The following GPM6B variants were observed in gnomAD, a reference collection of about 807,000 sequenced individuals.
GPM6B encodes neuronal membrane glycoprotein M6-b.
In GPM6B, 4 loss-of-function variants were observed where a neutral mutation model predicts 27.2. The observed-to-expected ratio is 0.15, with a 90% confidence interval of 0.07 to 0.34. GPM6B has a LOEUF of 0.34. Among genes scored for constraint, GPM6B ranks in the 10% least tolerant of loss-of-function variants. The probability of loss-of-function intolerance (pLI) is 1.00; values close to 1 mark genes in which losing one functional copy is unlikely to be tolerated. For missense variants in GPM6B, 183 were observed against 261.9 expected, an observed-to-expected ratio of 0.70 and a Z score of 2.08; for synonymous variants, 124 against 103.1, an observed-to-expected ratio of 1.20 and a Z score of -1.23.
At chrX:13,869,132 T>A (rs2049948970) in intron 1 of GPM6B, among the ~76,000 whole-genome samples, 1 of 112,181 alleles carries the variant, frequency 8.9e-6, no homozygotes, top group Non-Finnish European at 1.9e-5. Flanking sequence ...TACAACAGAA[T>A]GTTATTGGGC....
rs2049415517 is a variant in GPM6B, at chrX:13,829,605, C to G, written c.-197-43797G>C. On this transcript the variant is annotated intron_variant, in intron 1 of 6. Coordinates refer to the GPM6B transcript ENST00000398361. ...TTTCTAGGGGCACTCCCCACTCCACCCGGTCCCACCCCAGACCTGTGCTCT... is the reference window on the plus strand; with the variant it reads ...TTTCTAGGGGCACTCCCCACTCCACGCGGTCCCACCCCAGACCTGTGCTCT... 3.6e-5 allele frequency among the ~76,000 whole-genome samples: 4 copies of G among 110,995 alleles called. No individual in the cohort carries two copies. In the South Asian group the frequency reaches 1.6e-3, roughly 43 times the overall value.
chrX:13,802,939 G>A (rs950280268), intron 2 of GPM6B, among the ~76,000 whole-genome samples: 9 of 111,673 alleles, frequency 8.1e-5, no homozygotes, highest in African/African-American at 2.9e-4. Context: ...AGTTATGGTC[G>A]ACACCCAACT....
At chrX:13,773,403 G>A (rs374519621) in intron 7 of GPM6B, 55 of 123,456 alleles carry the variant, frequency 4.5e-4, no homozygotes, top group East Asian at 1.6e-3. Context: ...TAAGTGTAGT[G>A]TGTGCAAAGA....
intron 1 of GPM6B, among the ~76,000 whole-genome samples, chrX:13,898,441 GT>G (rs922141176): frequency 7.1e-5 from 8 of 112,339 alleles, no homozygotes; most frequent in African/African-American, 2.6e-4. Flanking sequence ...TCAAAGTATG[GT>G]TCTGGGACCA....
chrX:13,890,520 G>A (rs1468417906), intron 1 of GPM6B, among the ~76,000 whole-genome samples: 1 of 111,497 alleles, frequency 9.0e-6, no homozygotes, highest in African/African-American at 3.3e-5. Flanking sequence ...AACACTATTA[G>A]TTAGTTACTC....
chrX:13,919,690 A>G (rs1569306087), intron 1 of GPM6B, among the ~76,000 whole-genome samples: 1 of 112,521 alleles, frequency 8.9e-6, no homozygotes, highest in Non-Finnish European at 1.9e-5. Flanking sequence ...TTTATGAAAT[A>G]TAAATTAAAT....
At chrX:13,877,824 CAAAAAAAAAAA>C (rs761891419) in intron 1 of GPM6B, among the ~76,000 whole-genome samples, 318 of 27,475 alleles carry the variant, frequency 0.012, 10 homozygotes, top group African/African-American at 0.056. Flanking sequence ...CAGACTCTGC[CAAAAAAAAAAA>C]AAAAAAAAAA....
intron 1 of GPM6B, among the ~76,000 whole-genome samples, chrX:13,842,874 TTC>T (rs1355852122): frequency 7.1e-5 from 8 of 112,190 alleles, no homozygotes; most frequent in African/African-American, 1.6e-4. Context: ...CTCAACATAT[TTC>T]TTTCACTGAT....
In GPM6B at chrX:13,809,676, C is replaced by T. The variant is rs777561070; in HGVS notation, c.62-1907G>A. Among the ~76,000 whole-genome samples, 3 of 110,242 alleles carry T rather than the reference C, an allele frequency of 2.7e-5. No individual in the cohort carries two copies. In the South Asian group the frequency reaches 1.2e-3, roughly 43 times the overall value. On this transcript the variant is annotated intron_variant, in intron 1 of 7. Transcript: ENST00000316715. The stretch of plus-strand genomic sequence containing the variant: ...AATTGGCCAGGTGTGGTGGCTCATG[C>T]CTGTAATTCCAACACTCTGGGAGGC...
chrX:13,781,883 T>C (rs1478535556), intron 4 of GPM6B, among the ~76,000 whole-genome samples: 1 of 112,153 alleles, frequency 8.9e-6, no homozygotes, highest in Middle Eastern at 4.2e-3. Flanking sequence ...CTAAATTGGC[T>C]GATACCTGTT....
upstream of GPM6B, among the ~76,000 whole-genome samples, chrX:13,818,879 A>G (rs1207996154): frequency 2.7e-5 from 3 of 112,495 alleles, no homozygotes; most frequent in African/African-American, 9.7e-5. Flanking sequence ...GAGAATTAAA[A>G]CCAAAACAAA....
intron 1 of GPM6B, among the ~76,000 whole-genome samples, chrX:13,829,621 C>T (rs774096355): frequency 4.5e-5 from 5 of 111,066 alleles, no homozygotes; most frequent in Non-Finnish European, 7.5e-5. Flanking sequence ...CCACCCCAGA[C>T]CTGTGCTCTG....
intron 1 of GPM6B, among the ~76,000 whole-genome samples, chrX:13,839,003 A>G (rs2049539071): frequency 9.0e-6 from 1 of 111,702 alleles, no homozygotes; most frequent in Non-Finnish European, 1.9e-5. Flanking sequence ...ATAAGGCACA[A>G]CTGACCAGCA....
intron 1 of GPM6B, among the ~76,000 whole-genome samples, chrX:13,874,909 C>T (rs1475613412): frequency 2.8e-5 from 3 of 107,062 alleles, no homozygotes; most frequent in Non-Finnish European, 5.8e-5. Flanking sequence ...TTTTGAACCT[C>T]TTTATTTATA....
intron 2 of GPM6B, among the ~76,000 whole-genome samples, chrX:13,792,541 C>T (rs968075455): frequency 6.5e-5 from 7 of 107,983 alleles, no homozygotes; most frequent in African/African-American, 2.2e-4. Flanking sequence ...CTAGAATACA[C>T]AGGACAGCCC....
At chrX:13,930,348 C>G (rs971419887) in intron 1 of GPM6B, among the ~76,000 whole-genome samples, 3 of 111,786 alleles carry the variant, frequency 2.7e-5, no homozygotes, top group Non-Finnish European at 5.6e-5. Context: ...GGCACGGTGG[C>G]TCACACCTAT....
chrX:13,911,304 C>T (rs187749908), intron 1 of GPM6B, among the ~76,000 whole-genome samples: 1 of 112,026 alleles, frequency 8.9e-6, no homozygotes, highest in Non-Finnish European at 1.9e-5. Flanking sequence ...CTTTTAAGGG[C>T]CCAAATTAGA....
At chrX:13,928,553 A>T (rs1299270094) in intron 1 of GPM6B, among the ~76,000 whole-genome samples, 1 of 112,365 alleles carries the variant, frequency 8.9e-6, no homozygotes, top group African/African-American at 3.2e-5. Flanking sequence ...CAAATGAGAA[A>T]ACAAAAAGGA....
At chrX:13,775,069 C>G (rs2048385029) in intron 7 of GPM6B, among the ~76,000 whole-genome samples, 1 of 112,024 alleles carries the variant, frequency 8.9e-6, no homozygotes, top group East Asian at 2.8e-4. Flanking sequence ...GTCAGAAAAA[C>G]TGGGAATGAA....
Sources: gnomAD v4.1 joint callset for allele counts (sites outside exome capture counted in the v4.1 genomes callset) on GRCh38, gnomAD v4.1.1 for gene constraint, MANE v1.5 for transcripts, NCBI Gene and HGNC (gene_info 2026-07-23, HGNC 2026-07-21) for gene names.